Variants in GALNT13 observed in about 807,000 individuals in gnomAD.
GALNT13 encodes the protein UDP-GalNAc:polypeptide N-acetylgalactosaminyltransferase 13.
GALNT13 carries 28 observed loss-of-function variants against 64.2 expected under a neutral mutation model. The ratio of observed to expected loss-of-function variants is 0.44; its 90% CI spans 0.32 to 0.60. The LOEUF (loss-of-function observed/expected upper bound fraction) is 0.60. Ranked by LOEUF, GALNT13 falls within the 20% of genes least tolerant of loss-of-function variation. The pLI, the probability that GALNT13 is intolerant of heterozygous loss-of-function variation, is 0.05. For missense variants in GALNT13, 577 were observed against 669.8 expected (o/e 0.86, Z 1.53); for synonymous variants, 214 against 224.6 (o/e 0.95, Z 0.42).
At chr2:153,875,498 G>A in intron 1 of GALNT13, among the ~76,000 whole-genome samples, 1 of 152,140 alleles carries the variant, frequency 6.6e-6, no homozygotes, top group African/African-American at 2.4e-5. Context: ...AGTTTAAACA[G>A]TTATGTCAGA....
intron 3 of GALNT13, among the ~76,000 whole-genome samples, chr2:154,114,323 G>T (rs573408105): frequency 6.6e-6 from 1 of 152,208 alleles, no homozygotes; most frequent in South Asian, 2.1e-4. Context: ...CTGGGGAAAT[G>T]ACCACAGGAT....
At chr2:153,804,308 C>T in the GALNT13 span, among the ~76,000 whole-genome samples, 39 of 152,284 alleles carry the variant, frequency 2.6e-4, no homozygotes, top group South Asian at 6.2e-4. Context: ...AGCTGGACCA[C>T]AGGCATGTGC....
At chr2:153,213,364 C>T in the GALNT13 span, among the ~76,000 whole-genome samples, 2 of 152,178 alleles carry the variant, frequency 1.3e-5, no homozygotes, top group Admixed American at 6.5e-5. Flanking sequence ...ACCTGTCCAA[C>T]CTTTGCTCTG....
intron 1 of GALNT13, among the ~76,000 whole-genome samples, chr2:153,887,894 A>G (rs1049424218): frequency 2.6e-5 from 4 of 152,076 alleles, no homozygotes; most frequent in African/African-American, 9.7e-5. Flanking sequence ...TGAATGAAAA[A>G]GATGAAACAT....
the GALNT13 span, among the ~76,000 whole-genome samples, chr2:153,175,632 AT>A: frequency 1.3e-5 from 2 of 152,170 alleles, no homozygotes; most frequent in Non-Finnish European, 2.9e-5. Flanking sequence ...TTTGTTTCAA[AT>A]CAGAATGTAG....
At chr2:153,958,525 CT>C (rs1413548567) in intron 3 of GALNT13, among the ~76,000 whole-genome samples, 2 of 152,166 alleles carry the variant, frequency 1.3e-5, no homozygotes, top group Non-Finnish European at 2.9e-5. Flanking sequence ...GTTTCTTCTT[CT>C]TTTAGCCAAA....
At chr2:153,514,569 G>A in the GALNT13 span, among the ~76,000 whole-genome samples, 1 of 152,084 alleles carries the variant, frequency 6.6e-6, no homozygotes, top group African/African-American at 2.4e-5. Context: ...ACCTTTTACG[G>A]ATGGGCATTT....
chr2:153,667,963 G>A, the GALNT13 span, among the ~76,000 whole-genome samples: 1 of 152,000 alleles, frequency 6.6e-6, no homozygotes, highest in Non-Finnish European at 1.5e-5. Context: ...AAAAGCAGGG[G>A]TTGCTATTCT....
At chr2:154,032,004 A>G (rs1336862965) in intron 3 of GALNT13, among the ~76,000 whole-genome samples, 1 of 151,954 alleles carries the variant, frequency 6.6e-6, no homozygotes, top group African/African-American at 2.4e-5. Context: ...TTTGATGCTT[A>G]TATAATATCA....
At chr2:153,072,253 C>G in the GALNT13 span, among the ~76,000 whole-genome samples, 173 of 152,210 alleles carry the variant, frequency 1.1e-3, no homozygotes, top group South Asian at 2.5e-3. Context: ...TAACTCTTAC[C>G]TACCGCTAAG....
intron 3 of GALNT13, among the ~76,000 whole-genome samples, chr2:153,974,501 G>T (rs6749805): frequency 1.3e-5 from 2 of 151,962 alleles, no homozygotes; most frequent in East Asian, 3.9e-4. Context: ...AGTCACTTCT[G>T]TAGGTATTGG....
intron 11 of GALNT13, among the ~76,000 whole-genome samples, chr2:154,434,235 CT>C (rs1265007905): frequency 2.0e-5 from 3 of 152,104 alleles, no homozygotes; most frequent in African/African-American, 7.2e-5. Context: ...ACAATAAAAA[CT>C]GAGTTATTAC....
chr2:154,204,160 C>T (rs1452117919), intron 4 of GALNT13, among the ~76,000 whole-genome samples: 1 of 152,148 alleles, frequency 6.6e-6, no homozygotes, highest in Non-Finnish European at 1.5e-5. Flanking sequence ...ACTGCCTCCT[C>T]ATTAATAAAG....
At chr2:153,495,640 A>T in the GALNT13 span, among the ~76,000 whole-genome samples, 5 of 152,242 alleles carry the variant, frequency 3.3e-5, no homozygotes, top group East Asian at 9.6e-4. Context: ...GATTGAAAAA[A>T]TTCATACAGA....
At chr2:154,344,452 A>C (rs1390330551) in intron 9 of GALNT13, among the ~76,000 whole-genome samples, 3 of 94,728 alleles carry the variant, frequency 3.2e-5, no homozygotes, top group African/African-American at 8.6e-5. Context: ...AAAACTGTGA[A>C]GATATTAGCT....
intron 9 of GALNT13, among the ~76,000 whole-genome samples, chr2:154,354,546 T>C (rs958032352): frequency 6.6e-6 from 1 of 151,656 alleles, no homozygotes; most frequent in African/African-American, 2.4e-5. Flanking sequence ...TGGTTTCAGA[T>C]CTTACATTTA....
At chr2:153,355,981 G>T in the GALNT13 span, among the ~76,000 whole-genome samples, 1 of 152,136 alleles carries the variant, frequency 6.6e-6, no homozygotes, top group African/African-American at 2.4e-5. Context: ...ACCTGGCTTT[G>T]AATTCCACTT....
chr2:153,979,922 A>C (rs1317963228), intron 3 of GALNT13, among the ~76,000 whole-genome samples: 1 of 152,190 alleles, frequency 6.6e-6, no homozygotes, highest in African/African-American at 2.4e-5. Flanking sequence ...AATTCAATGG[A>C]TAGAGACTGA....
At chr2:153,391,049 G>A in the GALNT13 span, among the ~76,000 whole-genome samples, 1 of 151,854 alleles carries the variant, frequency 6.6e-6, no homozygotes, top group South Asian at 2.1e-4. Flanking sequence ...AGATGGTGAG[G>A]GAATTTGCCA....
Sources: allele counts gnomAD v4.1 joint callset (sites outside exome capture counted in the v4.1 genomes callset), GRCh38; gene constraint gnomAD v4.1.1; transcripts MANE v1.5; gene names NCBI Gene and HGNC (gene_info 2026-07-23, HGNC 2026-07-21).